IL1RAPL1: variants seen among roughly 807,000 people sequenced by gnomAD.
IL1RAPL1 encodes interleukin-1 receptor accessory protein-like 1.
Under a neutral mutation model 48.4 loss-of-function variants are expected in IL1RAPL1, and 3 were observed. The observed-to-expected ratio is 0.06, with a 90% CI of 0.03 to 0.16. The LOEUF (loss-of-function observed/expected upper bound fraction) is 0.16, where lower values mean the gene tolerates loss of function less well. IL1RAPL1 is among the 10% of genes least tolerant of loss of function. The pLI is 1.00. For synonymous variants in IL1RAPL1, 185 were observed against 187.7 expected (o/e 0.99, Z 0.12); for missense variants, 349 against 530.6 (o/e 0.66, Z 3.36).
chrX:29,005,780 C>T (rs772559943), intron 2 of IL1RAPL1, among the ~76,000 whole-genome samples: 47 of 111,823 alleles, frequency 4.2e-4, no homozygotes, highest in Non-Finnish European at 7.7e-4. Context: ...CAAACTTTCA[C>T]TTCTGGTTCT....
intron 2 of IL1RAPL1, among the ~76,000 whole-genome samples, chrX:28,817,695 T>G (rs1936886409): frequency 1.8e-5 from 2 of 111,505 alleles, no homozygotes; most frequent in African/African-American, 3.2e-5. Flanking sequence ...GTCTAAGTAT[T>G]GTGACTTTTG....
chrX:29,593,365 T>C, intron 5 of IL1RAPL1, among the ~76,000 whole-genome samples: 1 of 112,125 alleles, frequency 8.9e-6, no homozygotes, highest in East Asian at 2.8e-4. Context: ...GAATCCACTT[T>C]TAGAAGGAAG....
intron 2 of IL1RAPL1, among the ~76,000 whole-genome samples, chrX:28,849,342 G>C (rs1434484635): frequency 9.0e-6 from 1 of 111,297 alleles, no homozygotes; most frequent in Non-Finnish European, 1.9e-5. Flanking sequence ...ACCTCCTTCT[G>C]GATTACACGA....
chrX:29,717,524 A>G (rs1927518169), intron 6 of IL1RAPL1, among the ~76,000 whole-genome samples: 1 of 112,439 alleles, frequency 8.9e-6, no homozygotes, highest in African/African-American at 3.2e-5. Flanking sequence ...TCTGCACTTT[A>G]GCCACCAAAT....
chrX:29,470,021 AT>A (rs1289482386), intron 5 of IL1RAPL1, among the ~76,000 whole-genome samples: 6 of 112,014 alleles, frequency 5.4e-5, no homozygotes, highest in African/African-American at 1.9e-4. Flanking sequence ...ATTAATAGTT[AT>A]TTTACCTGTC....
Position 29,663,411 on chromosome X carries a change from C to G in IL1RAPL1, c.704-5019C>G, listed in dbSNP as rs149218637. Among the ~76,000 whole-genome samples the G allele has an allele frequency of 5.7e-3, 642 of 112,360 alleles. 4 individuals carry two copies. The highest frequency in any genetic ancestry group is 0.019 in the African/African-American group (601 of 30,956). ...TTATCTCTGAGTATAGCACTCGCCACAGTGCATCATAAATATGCTCTCATC... is the reference window on the plus strand; with the variant it reads ...TTATCTCTGAGTATAGCACTCGCCAGAGTGCATCATAAATATGCTCTCATC... On this transcript the variant is annotated intron_variant, in intron 5 of 10. Coordinates refer to ENST00000378993, the MANE Select transcript of IL1RAPL1 (RefSeq NM_014271.4).
intron 5 of IL1RAPL1, among the ~76,000 whole-genome samples, chrX:29,616,539 C>T (rs1924295157): frequency 1.0e-5 from 1 of 100,208 alleles, no homozygotes. Flanking sequence ...TCCATGTGTT[C>T]TCATTGTTCA....
intron 5 of IL1RAPL1, among the ~76,000 whole-genome samples, chrX:29,487,712 G>A (rs746315820): frequency 8.9e-6 from 1 of 112,118 alleles, no homozygotes; most frequent in Admixed American, 9.4e-5. Flanking sequence ...CCGATGTGAT[G>A]TTTGAAGGAG....
chrX:29,329,174 AAC>A (rs772710766), intron 3 of IL1RAPL1, among the ~76,000 whole-genome samples: 15 of 109,080 alleles, frequency 1.4e-4, no homozygotes, highest in South Asian at 3.9e-4. Context: ...CACACACTCA[AAC>A]ACACACACAC....
intron 2 of IL1RAPL1, among the ~76,000 whole-genome samples, chrX:29,200,029 A>G (rs1429855919): frequency 1.8e-5 from 2 of 111,671 alleles, no homozygotes; most frequent in Non-Finnish European, 3.8e-5. Context: ...TGTTCAGGAT[A>G]TACCCATGGC....
chrX:29,240,235 T>A (rs1931396323), intron 2 of IL1RAPL1, among the ~76,000 whole-genome samples: 1 of 66,498 alleles, frequency 1.5e-5, no homozygotes, highest in African/African-American at 6.5e-5. Context: ...TTTTTTTTTT[T>A]TTTTTTTTTT....
intron 1 of IL1RAPL1, among the ~76,000 whole-genome samples, chrX:28,697,725 A>G (rs1935249972): frequency 9.0e-6 from 1 of 111,632 alleles, no homozygotes; most frequent in South Asian, 3.7e-4. Context: ...ACATTCAACA[A>G]ATATTAAGTA....
At chrX:29,240,422 A>AC (rs1390664404) in intron 2 of IL1RAPL1, among the ~76,000 whole-genome samples, 1 of 104,752 alleles carries the variant, frequency 9.5e-6, no homozygotes, top group Non-Finnish European at 1.9e-5. Flanking sequence ...TTTAGTAGAG[A>AC]CGGGGTTTCA....
At chrX:29,086,756 A>T (rs1169665550) in intron 2 of IL1RAPL1, among the ~76,000 whole-genome samples, 1 of 111,990 alleles carries the variant, frequency 8.9e-6, no homozygotes, top group Admixed American at 9.5e-5. Flanking sequence ...CCATGTGAGG[A>T]TTACTTAAAT....
At position 29,668,496 on chromosome X, in the gene IL1RAPL1, C is replaced by A. The variant is rs1926058798; in HGVS notation, c.770C>A (p.Thr257Asn). The A allele has an allele frequency of 2.5e-6, 3 of 1,191,653 alleles. No homozygotes were observed. The highest frequency in any genetic ancestry group is 3.5e-5 in the African/African-American group (2 of 56,848). The change falls in exon 6 of 11, where the codon ACC becomes AAC. Residue 257 changes from threonine (T) to asparagine (N), a missense_variant. Physicochemically the swap from Thr to Asn is moderately conservative, Grantham distance 65. Around this residue, in one of 3 missense-constraint regions of IL1RAPL1, gnomAD observed 238 missense variants for 337.8 expected, o/e 0.70. Coordinates refer to ENST00000378993, the MANE Select transcript of IL1RAPL1 (RefSeq NM_014271.4). The part of the protein sequence containing the change: ...PMESKLTIQE[T>N]QLGDSANLTC... ...GAAAGTAAACTGACAATTCAGGAGA[C>A]CCAGCTGGGTGAGTAATTCCTTAAT...
At chrX:29,336,651 C>G (rs1031906449) in intron 3 of IL1RAPL1, among the ~76,000 whole-genome samples, 1 of 110,599 alleles carries the variant, frequency 9.0e-6, no homozygotes, top group Non-Finnish European at 1.9e-5. Flanking sequence ...CCAGGGAAAA[C>G]TGTATTTCTG....
chrX:29,790,651 G>T (rs2147162197), intron 6 of IL1RAPL1, among the ~76,000 whole-genome samples: 1 of 111,652 alleles, frequency 9.0e-6, no homozygotes, highest in South Asian at 3.8e-4. Flanking sequence ...GCTATCCTTG[G>T]TTTTTCCTCT....
chrX:29,297,564 T>G lies in IL1RAPL1; in HGVS notation c.362+14347T>G, dbSNP rs1305374481. Among the ~76,000 whole-genome samples, 7 of 112,388 alleles carry G rather than the reference T, an allele frequency of 6.2e-5. No individual in the cohort carries two copies. The Admixed American group carries it at 6.6e-4, about 11-fold the overall frequency. On this transcript the variant is annotated intron_variant, in intron 3 of 10. Coordinates refer to ENST00000378993, the MANE Select transcript of IL1RAPL1 (RefSeq NM_014271.4). ...TAGAAACTCTTCTGGATAGCTCTTA[T>G]TTAGCCTGGAATCATGTAATGTAAA...
rs1338336877 is a variant in IL1RAPL1 at position 29,955,436 on chromosome X, T to A, written c.1707T>A (p.His569Gln). The A allele has an allele frequency of 8.3e-7, 1 of 1,211,158 alleles. No individual in the cohort carries two copies. Among genetic ancestry groups the A allele is most frequent in the South Asian group, 1.8e-5 (1 of 56,922 alleles). ...MPFKRIEPIT[H>Q]EQALDVSEQG... Reference sequence around the variant, plus strand: ...TTAAGAGGATAGAACCCATTACACATGAGCAGGCTTTAGATGTCAGTGAGC... The same window carrying A: ...TTAAGAGGATAGAACCCATTACACAAGAGCAGGCTTTAGATGTCAGTGAGC... Residue 569 changes from histidine to glutamine, a missense_variant, in exon 11 of 11, where the codon CAT (histidine) becomes CAA (glutamine). Transcript: ENST00000378993.
Sources: allele counts gnomAD v4.1 joint callset (sites outside exome capture counted in the v4.1 genomes callset), GRCh38; gene constraint gnomAD v4.1.1; regional missense constraint gnomAD v4.1.1; transcripts MANE v1.5; gene names NCBI Gene and HGNC (gene_info 2026-07-23, HGNC 2026-07-21).